Variants in CACNB4 observed in about 807,000 individuals in gnomAD.
The protein encoded by CACNB4 is voltage-dependent L-type calcium channel subunit beta-4.
CACNB4 carries 32 observed loss-of-function variants against 71.2 expected under a neutral mutation model. That is an observed-to-expected ratio of 0.45 (90% CI 0.34 to 0.60). The LOEUF (loss-of-function observed/expected upper bound fraction) is 0.60. CACNB4 is among the 20% of genes least tolerant of loss of function. CACNB4 has a pLI of 0.01. For missense variants in CACNB4, 464 were observed against 647.9 expected, an observed-to-expected ratio of 0.72 and a Z score of 3.08; for synonymous variants, 231 against 236.9, an observed-to-expected ratio of 0.97 and a Z score of 0.23.
At chr2:151,975,318 A>G (rs1464274) in intron 2 of CACNB4, among the ~76,000 whole-genome samples, 150,714 of 152,304 alleles carry the variant, frequency 0.99, 74,598 homozygotes, top group Middle Eastern at 1. Context: ...ATAACACAAC[A>G]GCTACAACAG....
At position 152,017,140 on chromosome 2, in the gene CACNB4, A is replaced by T. The variant is rs572321400; in HGVS notation, c.147+81190T>A. Among the ~76,000 whole-genome samples, 4 of 149,948 alleles carry T rather than the reference A, an allele frequency of 2.7e-5. No individual in the cohort carries two copies. The East Asian group carries it at 7.7e-4, about 29-fold the overall frequency. On this transcript the variant is annotated intron_variant, in intron 2 of 13. Coordinates refer to ENST00000539935, the MANE Select transcript of CACNB4 (RefSeq NM_000726.5). ...ACACAGGCACAGCACCCACTCCAAT[A>T]GTTATCAAGCTCTAGGGCATACATA... is the stretch of plus-strand genomic sequence containing the variant.
At chr2:151,895,138 A>G (rs1010562627) in intron 2 of CACNB4, among the ~76,000 whole-genome samples, 29 of 143,630 alleles carry the variant, frequency 2.0e-4, no homozygotes, top group Middle Eastern at 3.6e-3. Context: ...ACACACACAC[A>G]CACACACAAA....
At chr2:151,980,151 C>T (rs887640654) in intron 2 of CACNB4, among the ~76,000 whole-genome samples, 1 of 152,124 alleles carries the variant, frequency 6.6e-6, no homozygotes, top group Non-Finnish European at 1.5e-5. Context: ...GATTTGATAA[C>T]ACGATTAATA....
intron 2 of CACNB4, among the ~76,000 whole-genome samples, chr2:152,037,100 C>T (rs116116836): frequency 3.2e-4 from 48 of 152,264 alleles, no homozygotes; most frequent in Non-Finnish European, 5.7e-4. Context: ...TTGATTCTTG[C>T]GGGGGCATAG....
chr2:151,915,293 A>C (rs953434288), intron 2 of CACNB4, among the ~76,000 whole-genome samples: 1 of 152,188 alleles, frequency 6.6e-6, no homozygotes, highest in Non-Finnish European at 1.5e-5. Flanking sequence ...TGTGGGGACA[A>C]GTCTTGGGAC....
At chr2:151,918,611 G>A (rs1400979918) in intron 2 of CACNB4, among the ~76,000 whole-genome samples, 1 of 152,178 alleles carries the variant, frequency 6.6e-6, no homozygotes, top group East Asian at 1.9e-4. Flanking sequence ...CCTATAAATA[G>A]TAGAGCTTTA....
intron 2 of CACNB4, among the ~76,000 whole-genome samples, chr2:152,004,021 T>C (rs1682580520): frequency 6.6e-6 from 1 of 152,072 alleles, no homozygotes; most frequent in South Asian, 2.1e-4. Flanking sequence ...AGGATCTCGT[T>C]GTTACCCAGG....
intron 2 of CACNB4, among the ~76,000 whole-genome samples, chr2:151,949,791 G>A (rs1349261211): frequency 1.3e-5 from 2 of 152,208 alleles, no homozygotes; most frequent in Admixed American, 6.5e-5. Flanking sequence ...GCTCACACCT[G>A]TAATACTGGC....
intron 2 of CACNB4, among the ~76,000 whole-genome samples, chr2:151,974,952 G>T (rs2099873516): frequency 6.6e-6 from 1 of 152,140 alleles, no homozygotes; most frequent in African/African-American, 2.4e-5. Flanking sequence ...CTGCATGACT[G>T]ACTGGGTAAG....
chr2:152,025,827 T>C (rs183356804), intron 2 of CACNB4, among the ~76,000 whole-genome samples: 115 of 152,348 alleles, frequency 7.5e-4, no homozygotes, highest in African/African-American at 2.3e-3. Context: ...GTTACACTTG[T>C]TATACAAGAA....
intron 5 of CACNB4, chr2:151,875,065 G>A (rs2099845619): frequency 2.6e-6 from 1 of 390,002 alleles, no homozygotes; most frequent in Admixed American, 4.5e-5. Flanking sequence ...TCGCAGAGGG[G>A]GATTTGGCAG....
chr2:151,884,624 G>T (rs527469218), intron 2 of CACNB4, among the ~76,000 whole-genome samples: 203 of 115,680 alleles, frequency 1.8e-3, no homozygotes, highest in African/African-American at 6.5e-3. Context: ...GACACAGCGA[G>T]ACTCCGTCTC....
At chr2:151,926,134 T>C (rs2099860192) in intron 2 of CACNB4, among the ~76,000 whole-genome samples, 1 of 152,132 alleles carries the variant, frequency 6.6e-6, no homozygotes, top group South Asian at 2.1e-4. Context: ...AAAGAATGTA[T>C]ATAGGCAGAA....
intron 2 of CACNB4, among the ~76,000 whole-genome samples, chr2:151,899,684 C>G (rs2099852915): frequency 6.6e-6 from 1 of 152,154 alleles, no homozygotes; most frequent in South Asian, 2.1e-4. Context: ...CCCAAGAGGA[C>G]AGGGCGGGTA....
intron 2 of CACNB4, among the ~76,000 whole-genome samples, chr2:151,948,669 A>G (rs78193049): frequency 6.6e-6 from 1 of 151,496 alleles, no homozygotes; most frequent in African/African-American, 2.4e-5. Flanking sequence ...AAAAAAAAAA[A>G]GAAAAAAAGT....
chr2:151,913,400 G>C (rs1349940534), intron 2 of CACNB4, among the ~76,000 whole-genome samples: 2 of 152,108 alleles, frequency 1.3e-5, no homozygotes, highest in Admixed American at 1.3e-4. Context: ...GTCTGAGAAG[G>C]ATTTTATTTC....
intron 2 of CACNB4, among the ~76,000 whole-genome samples, chr2:152,066,292 C>T (rs1472582151): frequency 6.6e-6 from 1 of 152,136 alleles, no homozygotes; most frequent in Admixed American, 6.6e-5. Context: ...GCATTTGCAA[C>T]CCAGAAGAAA....
intron 2 of CACNB4, among the ~76,000 whole-genome samples, chr2:152,001,203 C>G (rs1300209354): frequency 6.6e-6 from 1 of 152,120 alleles, no homozygotes; most frequent in African/African-American, 2.4e-5. Context: ...ACCACAGCCT[C>G]CTGCCTCTTG....
intron 2 of CACNB4, among the ~76,000 whole-genome samples, chr2:152,047,911 A>G (rs1685218841): frequency 6.6e-6 from 1 of 152,194 alleles, no homozygotes; most frequent in African/African-American, 2.4e-5. Context: ...AAACAAAACA[A>G]AACAAAACAA....
Sources: allele counts gnomAD v4.1 joint callset (sites outside exome capture counted in the v4.1 genomes callset), GRCh38; gene constraint gnomAD v4.1.1; transcripts MANE v1.5; gene names NCBI Gene and HGNC (gene_info 2026-07-23, HGNC 2026-07-21).